Variants in NEB observed in about 807,000 individuals in gnomAD.
NEB encodes the protein nemaline myopathy type 2.
A neutral mutation model predicts 952.2 loss-of-function variants in NEB; 512 were observed. The ratio of observed to expected loss-of-function variants is 0.54; its 90% CI spans 0.50 to 0.58. The LOEUF (loss-of-function observed/expected upper bound fraction) is 0.58. Among genes scored for constraint, NEB ranks in the 20% least tolerant of loss-of-function variants. The probability of loss-of-function intolerance (pLI) is 0.00; values close to 1 mark genes in which losing one functional copy is unlikely to be tolerated. For missense variants in NEB, 8,428 were observed against 9,231.1 expected (o/e 0.91, Z 3.56); for synonymous variants, 2,900 against 3,149.8 (o/e 0.92, Z 2.66).
At chr2:151,644,227 A>G in intron 56 of NEB, 98 bp from the exon 57 acceptor site, 1 of 1,462,078 alleles carries the variant, frequency 6.8e-7, no homozygotes. Flanking sequence ...TATTTTACTA[A>G]GCCTAGAGAG....
In NEB at chr2:151,650,657, T is replaced by G. The variant is rs764757576; in HGVS notation, c.7144A>C (p.Lys2382Gln). The G allele has an allele frequency of 3.1e-6, 5 of 1,613,586 alleles. No individual in the cohort carries two copies. In the Admixed American group the frequency reaches 8.3e-5, roughly 27 times the overall value. ...CATGTCCACTGATGCAGGTAGTTCT[T>G]GTAGTCCACGTCACTAACCAACTCC... ...CQELVSDVDY[K>Q]NYLHQWTCLP... The change falls in exon 53 of 182, where the codon AAG becomes CAG. Residue 2382 changes from lysine (K) to glutamine (Q), a missense_variant. Transcript: ENST00000397345.
chr2:151,682,905 A>G (rs961988224), intron 28 of NEB, 136 bp from the exon 29 acceptor site: 42 of 715,304 alleles, frequency 5.9e-5, no homozygotes, highest in Non-Finnish European at 7.6e-5. Flanking sequence ...GTTATTTTAT[A>G]TATTTCTTTG....
intron 173 of NEB, among the ~76,000 whole-genome samples, chr2:151,494,558 T>G (rs188261363): frequency 6.6e-6 from 1 of 152,294 alleles, no homozygotes; most frequent in East Asian, 1.9e-4. Flanking sequence ...TGAGAGATGA[T>G]CCAAACAGGA....
At chr2:151,646,683 A>G (rs1407049312) in intron 54 of NEB, among the ~76,000 whole-genome samples, 34 of 152,106 alleles carry the variant, frequency 2.2e-4, no homozygotes, top group Non-Finnish European at 1.2e-4. Flanking sequence ...AGAGTCTTAC[A>G]CTGCTGCCCA....
At position 151,694,570 on chromosome 2, in the gene NEB, A is replaced by T; in HGVS notation, c.1734T>A (p.Asp578Glu). Residue 578 changes from aspartate to glutamate, a missense_variant, in exon 19 of 182, where the codon GAT (aspartate) becomes GAA (glutamate). Physicochemically the swap from Asp to Glu is conservative, Grantham distance 45 (BLOSUM62 2). Transcript: ENST00000397345. ...SKAKKFDIKVDAIPLLAAKAN... is the reference protein window; with the variant it reads ...SKAKKFDIKVEAIPLLAAKAN... ...CTTTGGCTGCCAGCAGGGGAATGGC[A>T]TCCACTTTAATGTCAAACTTTTTGG... 2 of 1,609,642 alleles carry T rather than the reference A, an allele frequency of 1.2e-6. No individual in the cohort carries two copies. The highest frequency in any genetic ancestry group is 1.1e-5 in the South Asian group (1 of 90,554).
At chr2:151,496,859 A>C in intron 172 of NEB, 82 bp downstream of exon 172, 1 of 1,395,364 alleles carries the variant, frequency 7.2e-7, no homozygotes, top group Non-Finnish European at 9.8e-7. Flanking sequence ...TCTTTAGAAA[A>C]TAGGATTAAT....
intron 48 of NEB, among the ~76,000 whole-genome samples, chr2:151,657,224 G>A (rs1365264492): frequency 1.3e-5 from 2 of 152,076 alleles, no homozygotes; most frequent in Admixed American, 6.6e-5. Flanking sequence ...GAATGGGATG[G>A]GCTGGATAGG....
chr2:151,624,806 T>G (rs1376245038), intron 71 of NEB, among the ~76,000 whole-genome samples: 1 of 152,172 alleles, frequency 6.6e-6, no homozygotes. Flanking sequence ...TTTTTGACTT[T>G]GGCAAGAACA....
intron 142 of NEB, among the ~76,000 whole-genome samples, chr2:151,535,157 A>G (rs1394333907): frequency 6.6e-6 from 1 of 152,194 alleles, no homozygotes; most frequent in Non-Finnish European, 1.5e-5. Context: ...TGGATAAAAT[A>G]GAAAGAAAAA....
chr2:151,555,791 AT>A (rs2095612742), intron 124 of NEB, among the ~76,000 whole-genome samples: 1 of 151,724 alleles, frequency 6.6e-6, no homozygotes, highest in African/African-American at 2.4e-5. Flanking sequence ...TTTCCACTAG[AT>A]TTTTCCAAAA....
At position 151,487,462 on chromosome 2, in the gene NEB, C is replaced by G. The variant is rs551019146; in HGVS notation, c.25405-1529G>C. Among the ~76,000 whole-genome samples, 6 of 152,230 alleles carry G rather than the reference C, an allele frequency of 3.9e-5. No individual in the cohort carries two copies. The South Asian group carries it at 1.2e-3, about 32-fold the overall frequency. On this transcript the variant is annotated intron_variant, in intron 181 of 181. Coordinates refer to ENST00000397345, the MANE Select transcript of NEB (RefSeq NM_001164508.2). The stretch of plus-strand genomic sequence containing the variant: ...TCCTTTCCCCTTTGCATAAGTGGAA[C>G]ATTACTATAAATAATACTGTGATTT...
rs756535708 is a variant in NEB, at chr2:151,662,162, G to A, written c.5943C>T (p.Ala1981=). The A allele has an allele frequency of 6.2e-7, 1 of 1,613,030 alleles. No homozygotes were observed. The highest frequency in any genetic ancestry group is 1.7e-5 in the Admixed American group (1 of 59,942). The change falls in exon 46 of 182, where the codon GCC becomes GCT. Residue 1981 remains alanine, a synonymous_variant. Transcript: ENST00000397345. The part of the protein sequence containing the change: ...TLMDSMNMVL[A]QNNAKIMNEH... ...CGTTCATAATTTTTGCATTATTCTGGGCCAAAACCATGTTCATCGAGTCCA... is the reference window on the plus strand; with the variant it reads ...CGTTCATAATTTTTGCATTATTCTGAGCCAAAACCATGTTCATCGAGTCCA...
intron 175 of NEB, 21 bp downstream of exon 175, chr2:151,493,750 GATTT>G: frequency 1.4e-6 from 2 of 1,474,448 alleles, no homozygotes; most frequent in Non-Finnish European, 1.9e-6. Flanking sequence ...AGATTTTAAG[GATTT>G]ATTTTTCCTT....
Position 151,562,544 on chromosome 2 carries a change from T to C in NEB, c.18891+67A>G, listed in dbSNP as rs369534205. 180 of 1,399,438 alleles carry C rather than the reference T, an allele frequency of 1.3e-4. No homozygotes were observed. The African/African-American group carries it at 2.1e-3, about 16-fold the overall frequency. The allele number at this position is 1,399,438 out of a possible 1,614,324, so 86.7% of individuals were successfully genotyped here. A position where few individuals can be genotyped will look rare whatever the true frequency, so the allele number is the denominator to read the frequency against. ...GACAACGGGAGCATGGCAGCCAGGG[T>C]TGGGGGGTAGCCAAGACACAGTCAT... is the stretch of plus-strand genomic sequence containing the variant. On this transcript the variant is annotated intron_variant, in intron 120 of 181. Coordinates refer to ENST00000397345, the MANE Select transcript of NEB (RefSeq NM_001164508.2).
At chr2:151,532,551 C>A (rs1206167150) in intron 143 of NEB, among the ~76,000 whole-genome samples, 1 of 151,960 alleles carries the variant, frequency 6.6e-6, no homozygotes, top group Non-Finnish European at 1.5e-5. Context: ...ATACAGAGAG[C>A]ACCATAAAAT....
chr2:151,493,420 T>C lies in NEB; in HGVS notation c.24698A>G (p.Lys8233Arg). ...SSVLYKENMR[K>R]ATPTPVTPEM... The stretch of plus-strand genomic sequence containing the variant: ...TGGAGTAACAGGTGTCGGAGTTGCT[T>C]TTCTCATGTTCTCTTTGTACAATAC... The change falls in exon 176 of 182, where the codon AAA becomes AGA. Residue 8233 changes from lysine (K) to arginine (R), a missense_variant. Lys to Arg is a conservative substitution (Grantham distance 26). Around this residue, in one of 11 missense-constraint regions of NEB, gnomAD observed 3,374 missense variants for 3,651.5 expected, o/e 0.92. Transcript: ENST00000397345. The C allele has an allele frequency of 1.2e-6, 2 of 1,606,768 alleles. No homozygotes were observed. The highest frequency in any genetic ancestry group is 1.7e-6 in the Non-Finnish European group (2 of 1,177,816).
At position 151,562,138 on chromosome 2, in the gene NEB, G is replaced by A. The variant is rs1350831462; in HGVS notation, c.18968C>T (p.Ala6323Val). ...YVWDTPQILH[A>V]KKSYDLQSQL... The stretch of plus-strand genomic sequence containing the variant: ...ACTCTGAAGGTCGTATGATTTCTTG[G>A]CATGGAGGATTTGGGGTGTATCCCA... Residue 6323 changes from alanine to valine, a missense_variant, in exon 121 of 182, where the codon GCC (alanine) becomes GTC (valine). By Grantham distance (64) the Ala-to-Val change is moderately conservative (BLOSUM62 0). Around this residue, in one of 11 missense-constraint regions of NEB, gnomAD observed 3,374 missense variants for 3,651.5 expected, o/e 0.92. Coordinates refer to ENST00000397345, the MANE Select transcript of NEB (RefSeq NM_001164508.2). 1 of 1,613,560 alleles carries A rather than the reference G, an allele frequency of 6.2e-7. No individual in the cohort carries two copies.
rs758726028 is a variant in NEB at position 151,663,928 on chromosome 2, T to C, written c.5452-69A>G. On this transcript the variant is annotated intron_variant, in intron 44 of 181. Transcript: ENST00000397345. ...GAACAAAGTACCATTTGCTAGGTGA[T>C]GTGAGCTTTGTCTTAGATGAAGGGT... 554 of 1,468,318 alleles carry C rather than the reference T, an allele frequency of 3.8e-4. 1 individual carries two copies. The highest frequency in any genetic ancestry group is 4.6e-4 in the Non-Finnish European group (497 of 1,074,520). 91.0% of individuals were successfully genotyped at this position (1,468,318 alleles called of 1,614,324 possible). A position where few individuals can be genotyped will look rare whatever the true frequency, so the allele number is the denominator to read the frequency against.
rs62167164 is a variant in NEB at position 151,537,930 on chromosome 2, G to C, written c.21044C>G (p.Ser7015Cys). The C allele has an allele frequency of 0.011, 17,045 of 1,613,300 alleles. 106 individuals are homozygous for C. The highest frequency in any genetic ancestry group is 0.012 in the Non-Finnish European group (14,076 of 1,179,470). Residue 7015 changes from serine to cysteine, a missense_variant, in exon 140 of 182, where the codon TCC becomes TGC. Physicochemically the swap from Ser to Cys is moderately radical, Grantham distance 112. Transcript: ENST00000397345. The stretch of plus-strand genomic sequence containing the variant: ...GAAATGCTCTGGACGATCAGGAATG[G>C]ACCTCCAGATACCCAACTGGCTCAT... ...NYMSQLGIWR[S>C]IPDRPEHFHH...
Sources: gnomAD v4.1 joint callset for allele counts (sites outside exome capture counted in the v4.1 genomes callset) on GRCh38, gnomAD v4.1.1 for gene constraint, gnomAD v4.1.1 regional missense constraint, MANE v1.5 for transcripts, NCBI Gene and HGNC (gene_info 2026-07-23, HGNC 2026-07-21) for gene names.